F8: variants seen among roughly 807,000 people sequenced by gnomAD.
The protein encoded by F8 is coagulation factor VIII.
F8 carries 12 observed loss-of-function variants against 140.6 expected under a neutral mutation model. The ratio of observed to expected loss-of-function variants is 0.09; its 90% CI spans 0.05 to 0.14. The LOEUF (loss-of-function observed/expected upper bound fraction) is 0.14. Ranked by LOEUF, F8 falls within the 10% of genes least tolerant of loss-of-function variation. The probability of loss-of-function intolerance (pLI) is 1.00; values close to 1 mark genes in which losing one functional copy is unlikely to be tolerated. For synonymous variants in F8, 585 were observed against 614.6 expected, an observed-to-expected ratio of 0.95 and a Z score of 0.71; for missense variants, 1,354 against 1,720.7, an observed-to-expected ratio of 0.79 and a Z score of 3.77.
chrX:154,969,228 T>C, intron 7 of F8, 103 bp downstream of exon 7: 1 of 764,400 alleles, frequency 1.3e-6, no homozygotes, highest in Non-Finnish European at 1.9e-6. Flanking sequence ...CTCTATAATG[T>C]CCCCTTCAGC....
chrX:154,912,880 G>A (rs1300837534), intron 14 of F8, among the ~76,000 whole-genome samples: 1 of 111,217 alleles, frequency 9.0e-6, no homozygotes, highest in Non-Finnish European at 1.9e-5. Context: ...GACAGAAGGG[G>A]AAATGCCAGA....
At position 154,929,519 on chromosome X, in the gene F8, G is replaced by T; in HGVS notation, c.4271C>A (p.Thr1424Asn). 1 of 1,210,276 alleles carries T rather than the reference G, an allele frequency of 8.3e-7. No individual in the cohort carries two copies. The highest frequency in any genetic ancestry group is 1.1e-6 in the Non-Finnish European group (1 of 894,252). ...SFPSIRPIYLTRVLFQDNSSH... is the reference protein window; with the variant it reads ...SFPSIRPIYLNRVLFQDNSSH... ...AGAGTTGTCTTGGAATAGGACCCTG[G>T]TCAGATATATAGGTCTAATAGATGG... Residue 1424 changes from threonine to asparagine, a missense_variant, in exon 14 of 26, where the codon ACC becomes AAC. Thr to Asn is a moderately conservative substitution (Grantham distance 65). This residue lies in a region of F8 where 658 missense variants were observed against 666.5 expected (regional missense o/e 0.99). Transcript: ENST00000360256.
chrX:154,896,090 G>A lies in F8; in HGVS notation c.6416C>T (p.Thr2139Ile). 1 of 1,209,916 alleles carries A rather than the reference G, an allele frequency of 8.3e-7. No individual in the cohort carries two copies. Among genetic ancestry groups the A allele is most frequent in the Non-Finnish European group, 1.1e-6 (1 of 894,185 alleles). Residue 2139 changes from threonine (T) to isoleucine (I), a missense_variant, in exon 22 of 26, where the codon ACT becomes ATT. Coordinates refer to ENST00000360256, the MANE Select transcript of F8 (RefSeq NM_000132.4). ...KKWQTYRGNSTGTLMVFFGNV... is the reference protein window; with the variant it reads ...KKWQTYRGNSIGTLMVFFGNV... The stretch of plus-strand genomic sequence containing the variant: ...CTAATTACATACCATTAAGGTTCCA[G>A]TGGAATTTCCTCGATAAGTCTGCCA...
intron 13 of F8, among the ~76,000 whole-genome samples, chrX:154,943,176 G>A (rs1303691378): frequency 4.5e-5 from 5 of 111,562 alleles, no homozygotes; most frequent in East Asian, 2.8e-4. Flanking sequence ...AGGGCAATTA[G>A]GCAGGAGAAG....
At chrX:154,875,546 A>G (rs1557273923) in intron 22 of F8, among the ~76,000 whole-genome samples, 1 of 112,066 alleles carries the variant, frequency 8.9e-6, no homozygotes, top group Non-Finnish European at 1.9e-5. Flanking sequence ...GATTTTTTAA[A>G]AGAGATGCAG....
At chrX:154,922,509 A>T (rs2073137512) in intron 14 of F8, among the ~76,000 whole-genome samples, 1 of 112,522 alleles carries the variant, frequency 8.9e-6, no homozygotes, top group Non-Finnish European at 1.9e-5. Context: ...GAGAAGATAG[A>T]CAATAAAGAA....
intron 11 of F8, among the ~76,000 whole-genome samples, chrX:154,955,410 C>T (rs1557281110): frequency 2.0e-5 from 2 of 102,033 alleles, no homozygotes; most frequent in African/African-American, 3.7e-5. Context: ...CCTCCTGTCT[C>T]GGCCTCCCAA....
At chrX:154,981,918 G>GCT (rs1174087618) in intron 6 of F8, among the ~76,000 whole-genome samples, 8 of 111,948 alleles carry the variant, frequency 7.1e-5, no homozygotes, top group Non-Finnish European at 1.5e-4. Context: ...GGATGCAGTG[G>GCT]CTCACACTTA....
chrX:154,856,287 C>T (rs978055980), intron 25 of F8, among the ~76,000 whole-genome samples: 1 of 112,544 alleles, frequency 8.9e-6, no homozygotes, highest in Non-Finnish European at 1.9e-5. Flanking sequence ...TGTGATCACT[C>T]TTCTCTGTAG....
Position 154,930,485 on chromosome X carries a change from C to T in F8, c.3305G>A (p.Gly1102Asp), listed in dbSNP as rs1557278673. The T allele has an allele frequency of 8.3e-7, 1 of 1,208,206 alleles. No individual in the cohort carries two copies. The highest frequency in any genetic ancestry group is 1.1e-6 in the Non-Finnish European group (1 of 892,374). Residue 1102 changes from glycine to aspartate, a missense_variant, in exon 14 of 26, where the codon GGC (glycine) becomes GAC (aspartate). By Grantham distance (94) the Gly-to-Asp change is moderately conservative (BLOSUM62 -1). This residue lies in a region of F8 where 658 missense variants were observed against 666.5 expected (regional missense o/e 0.99). Transcript: ENST00000360256. ...NMEMVQQKKE[G>D]PIPPDAQNPD... ...ATTTTGTGCATCTGGTGGAATGGGG[C>T]CCTCTTTTTTCTGTTGGACCATTTC...
At chrX:154,972,724 T>C (rs2073464578) in intron 6 of F8, among the ~76,000 whole-genome samples, 1 of 86,698 alleles carries the variant, frequency 1.2e-5, no homozygotes, top group Non-Finnish European at 2.3e-5. Flanking sequence ...TTTTTTTTTT[T>C]TTTTTTTTTG....
chrX:154,926,936 CCTGGAGCA>C (rs1408048724), intron 14 of F8, among the ~76,000 whole-genome samples: 6 of 111,014 alleles, frequency 5.4e-5, no homozygotes, highest in African/African-American at 2.0e-4. Context: ...AGAACTAATC[CCTGGAGCA>C]CTCTAACCTT....
intron 12 of F8, among the ~76,000 whole-genome samples, chrX:154,949,935 T>C (rs898932379): frequency 4.5e-5 from 5 of 110,983 alleles, no homozygotes; most frequent in Non-Finnish European, 9.5e-5. Context: ...TCCAGCTAAT[T>C]TTTGTATTTT....
intron 22 of F8, 142 bp downstream of exon 22, chrX:154,895,935 C>T (rs1187199894): frequency 5.0e-6 from 3 of 595,833 alleles, no homozygotes; most frequent in African/African-American, 2.2e-5. Flanking sequence ...CTGATATGTC[C>T]GTAATAACTC....
chrX:154,984,476 CT>C (rs1401924902), intron 6 of F8, among the ~76,000 whole-genome samples: 1 of 111,671 alleles, frequency 9.0e-6, no homozygotes, highest in Non-Finnish European at 1.9e-5. Context: ...AAAAATCTGA[CT>C]GTGGGCTGTA....
chrX:154,863,002 C>T (rs1557272959), intron 23 of F8, 81 bp downstream of exon 23: 2 of 1,092,199 alleles, frequency 1.8e-6, no homozygotes, highest in African/African-American at 3.6e-5. Context: ...GAACCCCTCC[C>T]CCAGTCTCAG....
chrX:154,918,815 A>G (rs2073113916), intron 14 of F8: 1 of 94,451 alleles, frequency 1.1e-5, no homozygotes, highest in Non-Finnish European at 2.1e-5. Flanking sequence ...TTTTTAATAA[A>G]GCCCCTGTGT....
At chrX:154,926,316 GA>G (rs1557278071) in intron 14 of F8, among the ~76,000 whole-genome samples, 2 of 111,778 alleles carry the variant, frequency 1.8e-5, no homozygotes, top group South Asian at 3.7e-4. Flanking sequence ...GTTAATGTAA[GA>G]AAAAAAGAGT....
At chrX:154,936,021 C>CACACAA (rs1328478105) in intron 13 of F8, among the ~76,000 whole-genome samples, 6 of 106,649 alleles carry the variant, frequency 5.6e-5, no homozygotes, top group Non-Finnish European at 1.2e-4. Flanking sequence ...CACACACACA[C>CACACAA]ACAAAAATCA....
Sources: allele counts gnomAD v4.1 joint callset (sites outside exome capture counted in the v4.1 genomes callset), GRCh38; gene constraint gnomAD v4.1.1; regional missense constraint gnomAD v4.1.1; transcripts MANE v1.5; gene names NCBI Gene and HGNC (gene_info 2026-07-23, HGNC 2026-07-21).